Variants in ABCA13 observed in about 807,000 individuals in gnomAD.
ABCA13 encodes the protein ATP-binding cassette sub-family A member 13.
ABCA13 carries 476 observed loss-of-function variants against 478.7 expected under a neutral mutation model. The ratio of observed to expected loss-of-function variants is 0.99; its 90% confidence interval spans 0.92 to 1.07. ABCA13 has a LOEUF of 1.07. Ranked by LOEUF, ABCA13 falls within the 50% of genes least tolerant of loss-of-function variation. ABCA13 has a pLI of 0.00. For synonymous variants in ABCA13, 2,252 were observed against 2,158.9 expected (o/e 1.04, Z -1.20); for missense variants, 6,060 against 5,910.6 (o/e 1.03, Z -0.83).
At chr7:48,603,917 G>T (rs1791181107) in intron 58 of ABCA13, 1 of 152,058 alleles carries the variant, frequency 6.6e-6, no homozygotes, top group Non-Finnish European at 1.5e-5. Context: ...ATTTGTTATT[G>T]GTCTATTCAG....
chr7:48,315,170 A>G (rs1462044954), intron 26 of ABCA13, among the ~76,000 whole-genome samples: 1 of 152,202 alleles, frequency 6.6e-6, no homozygotes, highest in Non-Finnish European at 1.5e-5. Flanking sequence ...TGCAATGGAT[A>G]TGAGGAGTGT....
At chr7:48,632,658 A>C (rs1048555504) in intron 59 of ABCA13, among the ~76,000 whole-genome samples, 2 of 152,116 alleles carry the variant, frequency 1.3e-5, no homozygotes, top group Admixed American at 1.3e-4. Flanking sequence ...AATAGGATAT[A>C]CCTGTAGATC....
intron 59 of ABCA13, among the ~76,000 whole-genome samples, chr7:48,633,585 A>G (rs984609528): frequency 3.9e-5 from 6 of 152,104 alleles, no homozygotes; most frequent in African/African-American, 1.4e-4. Flanking sequence ...AATATAAAAA[A>G]TAAAAATTAG....
chr7:48,320,000 G>A (rs569229488), intron 27 of ABCA13, among the ~76,000 whole-genome samples: 2 of 152,280 alleles, frequency 1.3e-5, no homozygotes, highest in African/African-American at 4.8e-5. Flanking sequence ...CCACAGAGCT[G>A]TGTGCACCTC....
Position 48,387,959 on chromosome 7 carries a change from G to A in ABCA13, c.11473G>A (p.Gly3825Arg). Residue 3825 changes from glycine (G) to arginine (R), a missense_variant and splice_region_variant, in exon 36 of 62, where the codon GGG becomes AGG. Around this residue, in one of 3 missense-constraint regions of ABCA13, gnomAD observed 1,627 missense variants for 1,571.0 expected, o/e 1.04. Coordinates refer to ENST00000435803, the MANE Select transcript of ABCA13 (RefSeq NM_152701.5). The stretch of plus-strand genomic sequence containing the variant: ...CTTCAATGAGAACTTTGACAATAAA[G>A]GTTTGTAAGGAGTAGAATTATTAGA... The part of the protein sequence containing the change: ...FFFNENFDNK[G>R]SSLQNREGEL... The A allele has an allele frequency of 6.3e-7, 1 of 1,595,006 alleles. No individual in the cohort carries two copies. The highest frequency in any genetic ancestry group is 8.5e-7 in the Non-Finnish European group (1 of 1,174,630).
intron 35 of ABCA13, among the ~76,000 whole-genome samples, chr7:48,379,195 A>G (rs1435221673): frequency 6.6e-6 from 1 of 152,228 alleles, no homozygotes; most frequent in Non-Finnish European, 1.5e-5. Context: ...TTCAAAAGCT[A>G]AAAATAAGAG....
rs572340175 is a variant in ABCA13, at chr7:48,219,491, G to A, written c.425G>A (p.Arg142Gln). Reference sequence around the variant, plus strand: ...AACTTAAAAAGACTTTGGGTAGAACGATCCAACACTCCAGGCAAGTAAACC... The same window carrying A: ...AACTTAAAAAGACTTTGGGTAGAACAATCCAACACTCCAGGCAAGTAAACC... ...AKNLKRLWVE[R>Q]SNTPDSSYGS... Residue 142 changes from arginine (R) to glutamine (Q), a missense_variant, in exon 4 of 62, where the codon CGA (arginine) becomes CAA (glutamine). Physicochemically the swap from Arg to Gln is conservative, Grantham distance 43. Coordinates refer to ENST00000435803, the MANE Select transcript of ABCA13 (RefSeq NM_152701.5). The A allele has an allele frequency of 3.7e-5, 59 of 1,610,206 alleles. No individual in the cohort carries two copies. In the Middle Eastern group the frequency reaches 3.5e-3, roughly 94 times the overall value.
intron 56 of ABCA13, among the ~76,000 whole-genome samples, chr7:48,581,988 A>T (rs932804248): frequency 1.3e-5 from 2 of 152,220 alleles, no homozygotes; most frequent in Non-Finnish European, 2.9e-5. Flanking sequence ...ATGGAAAATA[A>T]AGTTTTATCT....
At chr7:48,242,356 T>G (rs902114656) in intron 10 of ABCA13, among the ~76,000 whole-genome samples, 1 of 152,008 alleles carries the variant, frequency 6.6e-6, no homozygotes, top group Non-Finnish European at 1.5e-5. Context: ...TGCCCCCATA[T>G]AAAATTTCCA....
At chr7:48,319,094 A>G (rs1803020347) in intron 27 of ABCA13, among the ~76,000 whole-genome samples, 1 of 152,118 alleles carries the variant, frequency 6.6e-6, no homozygotes, top group Non-Finnish European at 1.5e-5. Flanking sequence ...AGATTGGGCA[A>G]AGCACTTGGA....
At chr7:48,251,037 C>T (rs1205167932) in intron 15 of ABCA13, among the ~76,000 whole-genome samples, 1 of 152,146 alleles carries the variant, frequency 6.6e-6, no homozygotes, top group African/African-American at 2.4e-5. Flanking sequence ...AGAGATACTC[C>T]CTCTGTAGCT....
intron 29 of ABCA13, among the ~76,000 whole-genome samples, chr7:48,339,480 G>A (rs1806781937): frequency 6.6e-6 from 1 of 152,216 alleles, no homozygotes; most frequent in South Asian, 2.1e-4. Context: ...GAACGCAGAT[G>A]TCTCCTGAGT....
rs771138475 is a variant in ABCA13 at position 48,403,694 on chromosome 7, A to T, written c.11885A>T (p.Asp3962Val). Residue 3962 changes from aspartate (D) to valine (V), a missense_variant, in exon 39 of 62, where the codon GAT (aspartate) becomes GTT (valine). Coordinates refer to ENST00000435803, the MANE Select transcript of ABCA13 (RefSeq NM_152701.5). Reference protein sequence around the residue: ...LHQQVNQTLQDVDLTQHQHKQ... With the variant: ...LHQQVNQTLQVVDLTQHQHKQ... ...TCTTCTAATTTCAGAACTCTTCAGG[A>T]TGTGGACTTAACTCAGCATCAGCAC... 2.7e-5 allele frequency: 43 copies of T among 1,613,812 alleles called. No individual in the cohort carries two copies. The highest frequency in any genetic ancestry group is 3.3e-5 in the Admixed American group (2 of 60,004).
At chr7:48,409,727 A>G (rs888019383) in intron 39 of ABCA13, among the ~76,000 whole-genome samples, 1 of 151,976 alleles carries the variant, frequency 6.6e-6, no homozygotes, top group Admixed American at 6.6e-5. Context: ...TTCTTATTCA[A>G]TTGCGCTTCC....
Position 48,612,676 on chromosome 7 carries a change from T to G in ABCA13, c.14745-2609T>G, listed in dbSNP as rs568052695. On this transcript the variant is annotated intron_variant, in intron 58 of 61. Coordinates refer to ENST00000435803, the MANE Select transcript of ABCA13 (RefSeq NM_152701.5). ...CTCCTACTGTGAAACATTAACCTGT[T>G]TCCAGATGCTTACTATTATAAATAA... Among the ~76,000 whole-genome samples the G allele has an allele frequency of 3.9e-5, 6 of 152,342 alleles. 1 individual carries two copies. The South Asian group carries it at 1.2e-3, about 32-fold the overall frequency.
chr7:48,181,665 A>G (rs1212736639), intron 1 of ABCA13, among the ~76,000 whole-genome samples: 1 of 151,946 alleles, frequency 6.6e-6, no homozygotes, highest in Non-Finnish European at 1.5e-5. Context: ...GAAATGCAGT[A>G]GGGCCTCTTT....
chr7:48,345,292 CAT>C (rs1807897284), intron 29 of ABCA13, among the ~76,000 whole-genome samples: 1 of 152,112 alleles, frequency 6.6e-6, no homozygotes, highest in African/African-American at 2.4e-5. Flanking sequence ...GAGTGTACTT[CAT>C]ATATATATTT....
chr7:48,242,073 A>C (rs1397738776), intron 10 of ABCA13, among the ~76,000 whole-genome samples: 1 of 152,128 alleles, frequency 6.6e-6, no homozygotes, highest in Non-Finnish European at 1.5e-5. Flanking sequence ...TAAATGAACA[A>C]ATGCAGGGAC....
At chr7:48,645,347 T>A in intron 61 of ABCA13, 70 bp from the exon 62 acceptor site, 2 of 1,254,428 alleles carry the variant, frequency 1.6e-6, no homozygotes, top group Non-Finnish European at 2.2e-6. Flanking sequence ...AGACAATGTC[T>A]CCTTTCTAAT....
Sources: gnomAD v4.1 joint callset for allele counts (sites outside exome capture counted in the v4.1 genomes callset) on GRCh38, gnomAD v4.1.1 for gene constraint, gnomAD v4.1.1 regional missense constraint, MANE v1.5 for transcripts, NCBI Gene and HGNC (gene_info 2026-07-23, HGNC 2026-07-21) for gene names.